The following TMTC2 variants were observed in gnomAD, a reference collection of about 807,000 sequenced individuals.
TMTC2 encodes transmembrane O-mannosyltransferase targeting cadherins 2, also known as protein O-mannosyl-transferase TMTC2.
Under a neutral mutation model 82.4 loss-of-function variants are expected in TMTC2, and 43 were observed. The observed-to-expected ratio is 0.52, with a 90% CI of 0.41 to 0.67. The LOEUF (loss-of-function observed/expected upper bound fraction) is 0.67. Among genes scored for constraint, TMTC2 ranks in the 30% least tolerant of loss-of-function variants. The pLI is 0.00. For synonymous variants in TMTC2, 408 were observed against 381.9 expected (o/e 1.07, Z -0.80); for missense variants, 919 against 1,012.4 (o/e 0.91, Z 1.25).
chr12:82,945,082 A>G lies in TMTC2; in HGVS notation c.1598+14537A>G, dbSNP rs564840420. Among the ~76,000 whole-genome samples the G allele has an allele frequency of 2.6e-5, 4 of 152,294 alleles. No homozygotes were observed. In the South Asian group the frequency reaches 8.3e-4, roughly 32 times the overall value. ...ATTTCACACTCATTCCTCTTATAGC[A>G]ATGGAAATTGGTGTCTAGAATTGCC... On this transcript the variant is annotated intron_variant, in intron 4 of 11. Coordinates refer to ENST00000321196, the MANE Select transcript of TMTC2 (RefSeq NM_152588.3).
intron 11 of TMTC2, among the ~76,000 whole-genome samples, chr12:83,062,826 C>G (rs1227573051): frequency 6.6e-6 from 1 of 151,656 alleles, no homozygotes; most frequent in African/African-American, 2.4e-5. Context: ...ATTAATGTTC[C>G]CTGAAAGAGA....
chr12:83,013,386 C>T (rs895276279), intron 8 of TMTC2, among the ~76,000 whole-genome samples: 4 of 152,058 alleles, frequency 2.6e-5, no homozygotes, highest in African/African-American at 4.8e-5. Flanking sequence ...AGGCACATAG[C>T]TTATTCTACT....
chr12:83,012,219 G>A (rs1360285572), intron 8 of TMTC2, among the ~76,000 whole-genome samples: 1 of 152,022 alleles, frequency 6.6e-6, no homozygotes, highest in Non-Finnish European at 1.5e-5. Flanking sequence ...ATAGCAGTAA[G>A]TATTTGTTGA....
At chr12:82,824,573 C>T (rs1037107804) in intron 1 of TMTC2, among the ~76,000 whole-genome samples, 1 of 152,020 alleles carries the variant, frequency 6.6e-6, no homozygotes, top group African/African-American at 2.4e-5. Context: ...GCCAATATTT[C>T]ATGTAAGAAA....
chr12:83,093,848 G>A (rs561495200), intron 11 of TMTC2, among the ~76,000 whole-genome samples: 11 of 152,310 alleles, frequency 7.2e-5, no homozygotes, highest in African/African-American at 2.6e-4. Context: ...GGGACTTTAA[G>A]AGTTAAAGAA....
At chr12:82,990,684 C>G (rs939554977) in intron 8 of TMTC2, among the ~76,000 whole-genome samples, 5 of 151,782 alleles carry the variant, frequency 3.3e-5, no homozygotes, top group Admixed American at 3.3e-4. Context: ...GGGGGTGAGT[C>G]TTTACTTTTT....
intron 1 of TMTC2, among the ~76,000 whole-genome samples, chr12:82,778,461 A>G (rs529122536): frequency 6.6e-6 from 1 of 152,244 alleles, no homozygotes; most frequent in African/African-American, 2.4e-5. Flanking sequence ...CATGCCTGTA[A>G]TCCCAGCACT....
intron 1 of TMTC2, among the ~76,000 whole-genome samples, chr12:82,707,017 A>G (rs1358034813): frequency 6.6e-6 from 1 of 152,136 alleles, no homozygotes. Context: ...CTGGCATATT[A>G]TTTCTTTTGA....
intron 1 of TMTC2, among the ~76,000 whole-genome samples, chr12:82,747,287 T>G (rs544645759): frequency 6.6e-6 from 1 of 152,344 alleles, no homozygotes; most frequent in East Asian, 1.9e-4. Flanking sequence ...ATTTTAAATT[T>G]ACTACAAATA....
At chr12:83,129,916 A>G (rs188051818) in intron 11 of TMTC2, among the ~76,000 whole-genome samples, 37 of 152,318 alleles carry the variant, frequency 2.4e-4, no homozygotes, top group Admixed American at 7.2e-4. Context: ...GTCTGACTCC[A>G]TAACCTCTGA....
At chr12:83,103,393 A>C (rs763572852) in intron 11 of TMTC2, among the ~76,000 whole-genome samples, 2 of 152,202 alleles carry the variant, frequency 1.3e-5, no homozygotes, top group African/African-American at 2.4e-5. Flanking sequence ...ATAGTTCTAT[A>C]GGCTGTACAG....
intron 11 of TMTC2, among the ~76,000 whole-genome samples, chr12:83,130,438 A>G (rs1050531957): frequency 1.3e-5 from 2 of 152,162 alleles, no homozygotes; most frequent in Admixed American, 1.3e-4. Context: ...TTAGAAGTTG[A>G]CCATCTGTAT....
At chr12:82,929,388 TAACACACTTCATCATGAAA>T (rs1222772721) in intron 3 of TMTC2, among the ~76,000 whole-genome samples, 1 of 152,146 alleles carries the variant, frequency 6.6e-6, no homozygotes, top group African/African-American at 2.4e-5. Context: ...TTGTTTATAT[TAACACACTTCATCATGAAA>T]CAGATGAGAC....
intron 1 of TMTC2, among the ~76,000 whole-genome samples, chr12:82,694,516 T>G (rs565860319): frequency 6.6e-6 from 1 of 152,344 alleles, no homozygotes; most frequent in African/African-American, 2.4e-5. Flanking sequence ...TCGATAAAGC[T>G]TTTGTTTCTT....
intron 1 of TMTC2, among the ~76,000 whole-genome samples, chr12:82,722,192 TC>T (rs1365522616): frequency 2.0e-5 from 3 of 152,090 alleles, no homozygotes; most frequent in Non-Finnish European, 4.4e-5. Context: ...TAAGTAGTAT[TC>T]TCACACAGAA....
intron 1 of TMTC2, among the ~76,000 whole-genome samples, chr12:82,713,452 AAG>A (rs1401261435): frequency 6.6e-6 from 1 of 152,216 alleles, no homozygotes; most frequent in Non-Finnish European, 1.5e-5. Context: ...TTACAAAAGA[AAG>A]AGTTTTAATG....
At chr12:83,122,522 T>TA (rs1884985311) in intron 11 of TMTC2, among the ~76,000 whole-genome samples, 1 of 152,130 alleles carries the variant, frequency 6.6e-6, no homozygotes, top group Non-Finnish European at 1.5e-5. Context: ...GCCCTGTATT[T>TA]CACTCAGCTG....
chr12:82,800,934 G>A (rs1878966909), intron 1 of TMTC2, among the ~76,000 whole-genome samples: 1 of 152,156 alleles, frequency 6.6e-6, no homozygotes, highest in Non-Finnish European at 1.5e-5. Context: ...GGCATGCTTA[G>A]TAAACATGTT....
chr12:82,969,938 G>A (rs1323786465), intron 7 of TMTC2, among the ~76,000 whole-genome samples: 1 of 152,106 alleles, frequency 6.6e-6, no homozygotes, highest in Non-Finnish European at 1.5e-5. Flanking sequence ...TTACTTAGGT[G>A]CATATAATTA....
Sources: allele counts gnomAD v4.1 joint callset (sites outside exome capture counted in the v4.1 genomes callset), GRCh38; gene constraint gnomAD v4.1.1; transcripts MANE v1.5; gene names NCBI Gene and HGNC (gene_info 2026-07-23, HGNC 2026-07-21).